PTPRD: variants seen among roughly 807,000 people sequenced by gnomAD.
PTPRD encodes the protein receptor-type tyrosine-protein phosphatase delta.
A neutral mutation model predicts 214.5 loss-of-function variants in PTPRD; 34 were observed. The observed-to-expected ratio is 0.16, with a 90% CI of 0.12 to 0.21. PTPRD has a LOEUF of 0.21. Among genes scored for constraint, PTPRD ranks in the 10% least tolerant of loss-of-function variants. PTPRD has a pLI of 1.00. For missense variants in PTPRD, 2,545 were observed against 2,398.7 expected (o/e 1.06, Z -1.27); for synonymous variants, 1,128 against 845.7 (o/e 1.33, Z -5.79).
At chr9:10,492,066 G>C (rs927817476) in intron 2 of PTPRD, among the ~76,000 whole-genome samples, 5 of 152,098 alleles carry the variant, frequency 3.3e-5, no homozygotes, top group Admixed American at 3.3e-4. Flanking sequence ...TGGCTGCATA[G>C]TATTCCATCG....
chr9:8,523,482 A>T (rs747740101), intron 19 of PTPRD, 31 bp downstream of exon 19: 1 of 1,610,418 alleles, frequency 6.2e-7, no homozygotes. Flanking sequence ...ATAGTTTTGT[A>T]AGGTGGGTAA....
In PTPRD at chr9:8,527,222, G is replaced by C. The variant is rs1465074141; in HGVS notation, c.550+123C>G. 4 of 1,001,970 alleles carry C rather than the reference G, an allele frequency of 4.0e-6. No homozygotes were observed. In the East Asian group the frequency reaches 1.0e-4, roughly 26 times the overall value. The allele number at this position is 1,001,970 out of a possible 1,614,324, so 62.1% of individuals were successfully genotyped here. The stretch of plus-strand genomic sequence containing the variant: ...GGAGGTGTGTGTGGGAGCCACTACA[G>C]AGATCTGGTGTCTACACTGACAGTT... On this transcript the variant is annotated intron_variant, in intron 16 of 45. Coordinates refer to ENST00000381196, the MANE Select transcript of PTPRD (RefSeq NM_002839.4).
intron 2 of PTPRD, among the ~76,000 whole-genome samples, chr9:10,472,672 G>C (rs1165762033): frequency 6.6e-6 from 1 of 152,036 alleles, no homozygotes; most frequent in South Asian, 2.1e-4. Flanking sequence ...AAAAATCCTA[G>C]ATGTTCAGAA....
intron 12 of PTPRD, among the ~76,000 whole-genome samples, chr9:8,710,955 C>T (rs944743540): frequency 8.5e-5 from 13 of 152,066 alleles, no homozygotes; most frequent in Non-Finnish European, 1.5e-4. Context: ...TTTCAAGTAA[C>T]ATTTCTACTA....
chr9:10,294,431 G>A (rs1159739390), intron 3 of PTPRD, among the ~76,000 whole-genome samples: 1 of 151,874 alleles, frequency 6.6e-6, no homozygotes, highest in African/African-American at 2.4e-5. Context: ...TATTTTATGT[G>A]GTGCTTTCCA....
intron 30 of PTPRD, among the ~76,000 whole-genome samples, chr9:8,473,718 C>G (rs1167157101): frequency 1.3e-5 from 2 of 152,100 alleles, no homozygotes; most frequent in African/African-American, 4.8e-5. Flanking sequence ...TTCGGCAGCA[C>G]TCCCCCACTA....
chr9:9,969,988 G>C (rs1421113300), intron 4 of PTPRD, among the ~76,000 whole-genome samples: 2 of 152,106 alleles, frequency 1.3e-5, no homozygotes, highest in Non-Finnish European at 2.9e-5. Context: ...GATGCATCTG[G>C]AGAACTGTCA....
chr9:10,194,422 A>G (rs1019675733), intron 3 of PTPRD, among the ~76,000 whole-genome samples: 34 of 146,480 alleles, frequency 2.3e-4, no homozygotes, highest in African/African-American at 7.9e-4. Flanking sequence ...ATATTTTGTA[A>G]TTGGCAGAAT....
chr9:10,017,636 T>A (rs1317106500), intron 4 of PTPRD, among the ~76,000 whole-genome samples: 2 of 152,154 alleles, frequency 1.3e-5, no homozygotes, highest in Non-Finnish European at 2.9e-5. Flanking sequence ...TTTTTCCATA[T>A]GAAAAATCAA....
chr9:9,164,692 A>G (rs10977541), intron 10 of PTPRD, among the ~76,000 whole-genome samples: 108,674 of 151,922 alleles, frequency 0.72, 39,261 homozygotes, highest in Non-Finnish European at 0.78. Flanking sequence ...AAGAAATACA[A>G]AGTCCTAGAC....
At chr9:8,517,696 C>A (rs1773326811) in intron 21 of PTPRD, 152 bp downstream of exon 21, 2 of 661,422 alleles carry the variant, frequency 3.0e-6, no homozygotes, top group African/African-American at 1.8e-5. Flanking sequence ...CATGCTTGTT[C>A]CTTTTCAGAT....
chr9:8,935,161 A>G (rs2098988206), intron 11 of PTPRD, among the ~76,000 whole-genome samples: 1 of 152,174 alleles, frequency 6.6e-6, no homozygotes, highest in South Asian at 2.1e-4. Flanking sequence ...AAGAAGTAAA[A>G]TTGCCTCTGT....
At chr9:10,133,965 T>G (rs1309816393) in intron 3 of PTPRD, among the ~76,000 whole-genome samples, 1 of 152,154 alleles carries the variant, frequency 6.6e-6, no homozygotes, top group Non-Finnish European at 1.5e-5. Context: ...TTTTTTTCAT[T>G]CAAGCAATGT....
chr9:10,219,888 A>T (rs2099559159), intron 3 of PTPRD, among the ~76,000 whole-genome samples: 1 of 151,854 alleles, frequency 6.6e-6, no homozygotes, highest in Non-Finnish European at 1.5e-5. Flanking sequence ...CATTTCATAA[A>T]TACAAAAATG....
chr9:9,275,183 GTTATATATATATATATTATATA>G, intron 9 of PTPRD, among the ~76,000 whole-genome samples: 1 of 18,716 alleles, frequency 5.3e-5, no homozygotes, highest in Non-Finnish European at 9.9e-5. Flanking sequence ...TAATATATAT[GTTATATATATATATATTATATA>G]TATATATATA....
At chr9:8,431,962 CT>C (rs1359893093) in intron 35 of PTPRD, among the ~76,000 whole-genome samples, 1 of 152,116 alleles carries the variant, frequency 6.6e-6, no homozygotes, top group African/African-American at 2.4e-5. Context: ...TGGTCCTGGG[CT>C]TTTTTTGGTT....
At chr9:8,766,200 A>AG (rs2094729218) in intron 11 of PTPRD, among the ~76,000 whole-genome samples, 1 of 151,904 alleles carries the variant, frequency 6.6e-6, no homozygotes, top group Non-Finnish European at 1.5e-5. Context: ...AAAAAAAAAA[A>AG]AAATCAATCC....
intron 12 of PTPRD, among the ~76,000 whole-genome samples, chr9:8,726,030 C>CACACACACAG (rs1372323679): frequency 2.2e-5 from 3 of 134,314 alleles, no homozygotes; most frequent in Non-Finnish European, 4.7e-5. Flanking sequence ...CAGACAGACA[C>CACACACACAG]ACACACACAC....
intron 8 of PTPRD, among the ~76,000 whole-genome samples, chr9:9,512,797 A>G (rs931142377): frequency 1.3e-5 from 2 of 151,698 alleles, no homozygotes; most frequent in African/African-American, 4.8e-5. Context: ...GGCAAATCTT[A>G]AACTTGGGTT....
Sources: allele counts gnomAD v4.1 joint callset (sites outside exome capture counted in the v4.1 genomes callset), GRCh38; gene constraint gnomAD v4.1.1; transcripts MANE v1.5; gene names NCBI Gene and HGNC (gene_info 2026-07-23, HGNC 2026-07-21).